MRM1: variants seen among roughly 807,000 people sequenced by gnomAD.
MRM1 encodes the protein rRNA methyltransferase 1, mitochondrial.
In MRM1, 24 loss-of-function variants were observed where a neutral mutation model predicts 25.0. The observed-to-expected ratio is 0.96, with a 90% CI of 0.69 to 1.35. The LOEUF is 1.35. Among genes scored for constraint, MRM1 ranks in the 40% most tolerant of loss-of-function variants. The probability of loss-of-function intolerance (pLI) is 0.00; values close to 1 mark genes in which losing one functional copy is unlikely to be tolerated. For synonymous variants in MRM1, 188 were observed against 199.2 expected, an observed-to-expected ratio of 0.94 and a Z score of 0.47; for missense variants, 431 against 464.1, an observed-to-expected ratio of 0.93 and a Z score of 0.65.
chr17:36,608,348 G>A lies in MRM1; in HGVS notation c.995G>A (p.Gly332Glu). 1.2e-6 allele frequency: 2 copies of A among 1,609,348 alleles called. No homozygotes were observed. The highest frequency in any genetic ancestry group is 1.7e-6 in the Non-Finnish European group (2 of 1,177,904). Residue 332 changes from glycine (G) to glutamate (E), a missense_variant, in exon 5 of 5, where the codon GGG (glycine) becomes GAG (glutamate). Transcript: ENST00000614766. The stretch of plus-strand genomic sequence containing the variant: ...CAAGAACCCTCAGCCAGGTCTGAAG[G>A]GCTCAGCATGGCTCAGCACCCAGGG... The part of the protein sequence containing the change: ...DPQEPSARSE[G>E]LSMAQHPGLS...
chr17:36,625,990 C>T, the MRM1 span, among the ~76,000 whole-genome samples: 10 of 152,144 alleles, frequency 6.6e-5, no homozygotes, highest in African/African-American at 1.9e-4. Context: ...GCCATGCCCC[C>T]CCGCCGACCC....
At position 36,601,594 on chromosome 17, in the gene MRM1, C is replaced by T. The variant is rs1201572672; in HGVS notation, c.-217C>T. On this transcript the variant is annotated 5_prime_UTR_variant, in exon 1 of 5. Coordinates refer to ENST00000614766, the MANE Select transcript of MRM1 (RefSeq NM_024864.5). The stretch of plus-strand genomic sequence containing the variant: ...AGGGGCGGGCTCCCGAACCCGGAAG[C>T]GAGGGACCCACGTGGGAGCCTGGGA... 4 of 467,278 alleles carry T rather than the reference C, an allele frequency of 8.6e-6. No individual in the cohort carries two copies. The highest frequency in any genetic ancestry group is 7.9e-5 in the Admixed American group (2 of 25,254). 28.9% of individuals were successfully genotyped at this position (467,278 alleles called of 1,614,324 possible).
the MRM1 span, among the ~76,000 whole-genome samples, chr17:36,616,824 G>A: frequency 6.6e-6 from 1 of 151,976 alleles, no homozygotes; most frequent in Non-Finnish European, 1.5e-5. Flanking sequence ...TCCAACTCCG[G>A]GCTCAAGTGA....
the MRM1 span, among the ~76,000 whole-genome samples, chr17:36,622,383 G>C: frequency 1.2e-3 from 175 of 152,018 alleles, 2 homozygotes; most frequent in East Asian, 0.017. Context: ...ACCAGCCTGG[G>C]CAACATGGTG....
chr17:36,627,168 G>A, the MRM1 span, among the ~76,000 whole-genome samples: 1 of 152,194 alleles, frequency 6.6e-6, no homozygotes, highest in Non-Finnish European at 1.5e-5. Flanking sequence ...CTGTCTCTTG[G>A]GGGCTGGGAC....
At chr17:36,625,425 T>G in the MRM1 span, among the ~76,000 whole-genome samples, 6 of 146,168 alleles carry the variant, frequency 4.1e-5, no homozygotes, top group Admixed American at 4.1e-4. Context: ...CTCCTCCTCC[T>G]CCTCCTTCTC....
At chr17:36,603,813 G>A (rs2074904211) in intron 2 of MRM1, among the ~76,000 whole-genome samples, 1 of 152,170 alleles carries the variant, frequency 6.6e-6, no homozygotes, top group East Asian at 1.9e-4. Flanking sequence ...CATGTAGCTA[G>A]TGGCTACTAT....
the MRM1 span, among the ~76,000 whole-genome samples, chr17:36,633,561 G>A: frequency 5.3e-5 from 8 of 151,436 alleles, no homozygotes; most frequent in African/African-American, 1.5e-4. Flanking sequence ...GGAAGAAGAC[G>A]ACAAAGAGGA....
chr17:36,607,638 A>G, intron 2 of MRM1, 32 bp from the exon 3 acceptor site: 1 of 1,580,350 alleles, frequency 6.3e-7, no homozygotes, highest in Non-Finnish European at 8.6e-7. Flanking sequence ...AAATAAAAAA[A>G]GAATTAGAAC....
At chr17:36,621,785 TG>T in the MRM1 span, among the ~76,000 whole-genome samples, 1 of 152,060 alleles carries the variant, frequency 6.6e-6, no homozygotes, top group Non-Finnish European at 1.5e-5. Context: ...CAGCCCCCCT[TG>T]GCCCTTCAAT....
chr17:36,609,530 G>C (rs1051956112), downstream of MRM1, among the ~76,000 whole-genome samples: 1 of 152,156 alleles, frequency 6.6e-6, no homozygotes, highest in South Asian at 2.1e-4. Flanking sequence ...CAGAATCCCC[G>C]ACCTATACGC....
Position 36,607,980 on chromosome 17 carries a change from C to T in MRM1, c.851C>T (p.Pro284Leu), listed in dbSNP as rs764099525. 1.2e-6 allele frequency: 2 copies of T among 1,614,204 alleles called. No individual in the cohort carries two copies. The highest frequency in any genetic ancestry group is 2.2e-5 in the East Asian group (1 of 44,870). Residue 284 changes from proline to leucine, a missense_variant, in exon 4 of 5, where the codon CCT (proline) becomes CTT (leucine). Pro to Leu is a moderately conservative substitution (Grantham distance 98). Transcript: ENST00000614766. ...ACCATCCTGCCCCGGCGCCAGCTGC[C>T]TCCTGGACTTGAGTCCTTGAACGTC... is the stretch of plus-strand genomic sequence containing the variant. ...LLTILPRRQL[P>L]PGLESLNVSV...
chr17:36,627,436 C>G, the MRM1 span, among the ~76,000 whole-genome samples: 3 of 152,168 alleles, frequency 2.0e-5, no homozygotes, highest in Non-Finnish European at 4.4e-5. Flanking sequence ...TTCCCCATCC[C>G]GCTTTGCCTG....
Position 36,608,543 on chromosome 17 carries a change from G to GT in MRM1, c.*128_*129insT, listed in dbSNP as rs1246050696. ...CCATGTTTATTGACCACAGTCTGGG[G>GT]GGGGGGGAAGGGGACTGCGGTGGAC... On this transcript the variant is annotated 3_prime_UTR_variant, in exon 5 of 5. Coordinates refer to ENST00000614766, the MANE Select transcript of MRM1 (RefSeq NM_024864.5). 2.0e-6 allele frequency: 1 copy of GT among 510,952 alleles called. No homozygotes were observed. The highest frequency in any genetic ancestry group is 3.2e-6 in the Non-Finnish European group (1 of 312,114). The allele number at this position is 510,952 out of a possible 1,614,324, so 31.7% of individuals were successfully genotyped here.
In MRM1 at chr17:36,608,537, T is replaced by A; in HGVS notation, c.*122T>A. On this transcript the variant is annotated 3_prime_UTR_variant, in exon 5 of 5. Coordinates refer to ENST00000614766, the MANE Select transcript of MRM1 (RefSeq NM_024864.5). ...CCAGGCCCATGTTTATTGACCACAG[T>A]CTGGGGGGGGGGGAAGGGGACTGCG... 1 of 315,076 alleles carries A rather than the reference T, an allele frequency of 3.2e-6. No individual in the cohort carries two copies. The allele number at this position is 315,076 out of a possible 1,614,324, so 19.5% of individuals were successfully genotyped here.
chr17:36,630,791 T>G, the MRM1 span, among the ~76,000 whole-genome samples: 1 of 152,004 alleles, frequency 6.6e-6, no homozygotes, highest in Non-Finnish European at 1.5e-5. Context: ...GAGGAGGAAG[T>G]TGAGGGTAAG....
In MRM1 at chr17:36,606,908, G is replaced by GTTTTT. The variant is rs1476948244; in HGVS notation, c.637-760_637-756dup. On this transcript the variant is annotated intron_variant, in intron 2 of 4. Transcript: ENST00000614766. Reference sequence around the variant, plus strand: ...TTACAGGCGTGAGCTACTGCGCCTGGTTTTTTGTTTTTTTTTTTAATTTGA... The same window carrying GTTTTT: ...TTACAGGCGTGAGCTACTGCGCCTGGTTTTTTTTTTTGTTTTTTTTTTTAATTTGA... 5.9e-4 allele frequency among the ~76,000 whole-genome samples: 84 copies of GTTTTT among 141,412 alleles called. 3 individuals carry two copies. Among genetic ancestry groups the GTTTTT allele is most frequent in the East Asian group, 1.3e-3 (6 of 4,778 alleles). The allele number at this position is 141,412 out of a possible 152,430, so 92.8% of individuals were successfully genotyped here.
At chr17:36,605,152 AAAGAGAG>A (rs2074917433) in intron 2 of MRM1, among the ~76,000 whole-genome samples, 1 of 145,432 alleles carries the variant, frequency 6.9e-6, no homozygotes, top group South Asian at 2.2e-4. Flanking sequence ...AAAAAAAAAA[AAAGAGAG>A]AGAGAGAGAG....
At chr17:36,607,638 A>T in intron 2 of MRM1, 32 bp from the exon 3 acceptor site, 1 of 1,580,350 alleles carries the variant, frequency 6.3e-7, no homozygotes. Context: ...AAATAAAAAA[A>T]GAATTAGAAC....
Sources: gnomAD v4.1 joint callset for allele counts (sites outside exome capture counted in the v4.1 genomes callset) on GRCh38, gnomAD v4.1.1 for gene constraint, MANE v1.5 for transcripts, NCBI Gene and HGNC (gene_info 2026-07-23, HGNC 2026-07-21) for gene names.